ADAMTS8: variants seen among roughly 807,000 people sequenced by gnomAD.
ADAMTS8 encodes the protein ADAM metallopeptidase with thrombospondin type 1 motif 8, also known as A disintegrin and metalloproteinase with thrombospondin motifs 8.
In ADAMTS8, 50 loss-of-function variants were observed where a neutral mutation model predicts 64.4. The observed-to-expected ratio is 0.78, with a 90% CI of 0.62 to 0.98. The LOEUF (loss-of-function observed/expected upper bound fraction) is 0.98, where lower values mean the gene tolerates loss of function less well. Ranked by LOEUF, ADAMTS8 falls within the 50% of genes least tolerant of loss-of-function variation. The pLI is 0.00. For missense variants in ADAMTS8, 1,192 were observed against 1,208.2 expected, an observed-to-expected ratio of 0.99 and a Z score of 0.20; for synonymous variants, 556 against 533.6, an observed-to-expected ratio of 1.04 and a Z score of -0.58.
At chr11:130,419,932 C>T (rs1343613278) in intron 1 of ADAMTS8, among the ~76,000 whole-genome samples, 1 of 152,184 alleles carries the variant, frequency 6.6e-6, no homozygotes, top group Non-Finnish European at 1.5e-5. Context: ...GATAATCACT[C>T]CTAACAACAG....
At chr11:130,427,402 A>G (rs1169848589) in intron 1 of ADAMTS8, among the ~76,000 whole-genome samples, 165 bp downstream of exon 1, 1 of 149,974 alleles carries the variant, frequency 6.7e-6, no homozygotes. Context: ...TTTCTCAGAC[A>G]GGAGAGAATC....
intron 1 of ADAMTS8, among the ~76,000 whole-genome samples, chr11:130,419,778 C>T (rs747796479): frequency 2.0e-5 from 3 of 152,166 alleles, no homozygotes; most frequent in Non-Finnish European, 4.4e-5. Flanking sequence ...CCCACCCGTC[C>T]CCGGCCTCAG....
rs571304042 is a variant in ADAMTS8 at position 130,412,341 on chromosome 11, A to G, written c.1567-741T>C. ...TGATTCCTGTGCCTCGGCCTCCCGA[A>G]TAACTGGGATTACAGGTGCACACCT... is the stretch of plus-strand genomic sequence containing the variant. On this transcript the variant is annotated intron_variant, in intron 5 of 8. Transcript: ENST00000257359. Among the ~76,000 whole-genome samples, 528 of 152,184 alleles carry G rather than the reference A, an allele frequency of 3.5e-3. 1 individual carries two copies. The highest frequency in any genetic ancestry group is 0.012 in the African/African-American group (504 of 41,514).
In ADAMTS8 at chr11:130,416,238, C is replaced by T. The variant is rs747008161; in HGVS notation, c.1189G>A (p.Val397Ile). 26 of 1,590,646 alleles carry T rather than the reference C, an allele frequency of 1.6e-5. No homozygotes were observed. Among genetic ancestry groups the T allele is most frequent in the Admixed American group, 3.5e-5 (2 of 56,626 alleles). Reference sequence around the variant, plus strand: ...CAGGGCAGCGTCTGGTTCAGGTGGACGAACAGCGGTGCCATCACGTGGTGC... The same window carrying T: ...CAGGGCAGCGTCTGGTTCAGGTGGATGAACAGCGGTGCCATCACGTGGTGC... ...GKHHVMAPLFVHLNQTLPWSP... is the reference protein window; with the variant it reads ...GKHHVMAPLFIHLNQTLPWSP... The change falls in exon 4 of 9, where the codon GTC (valine) becomes ATC (isoleucine). Residue 397 changes from valine to isoleucine, a missense_variant. Physicochemically the swap from Val to Ile is conservative, Grantham distance 29. This residue lies in a region of ADAMTS8 where 741 missense variants were observed against 710.6 expected (regional missense o/e 1.04). Transcript: ENST00000257359. This position sits in a 1 kb window ranked among gnomAD's most constrained non-coding sequence, Gnocchi z 4.8.
In ADAMTS8 at chr11:130,427,593, C is replaced by T. The variant is rs751492538; in HGVS notation, c.694G>A (p.Ala232Thr). ...ETLLVADASMAAFYGADLQNH... is the reference protein window; with the variant it reads ...ETLLVADASMTAFYGADLQNH... ...TGCAGGTCGGCCCCGTAGAAGGCAG[C>T]CATGGACGCATCGGCCACCAGCAGC... The change falls in exon 1 of 9, where the codon GCT (alanine) becomes ACT (threonine). Residue 232 changes from alanine to threonine, a missense_variant. By Grantham distance (58) the Ala-to-Thr change is moderately conservative (BLOSUM62 0). Coordinates refer to ENST00000257359, the MANE Select transcript of ADAMTS8 (RefSeq NM_007037.6). 9 of 1,542,038 alleles carry T rather than the reference C, an allele frequency of 5.8e-6. No individual in the cohort carries two copies. In the East Asian group the frequency reaches 1.7e-4, roughly 29 times the overall value.
At position 130,405,600 on chromosome 11, in the gene ADAMTS8, G is replaced by A. The variant is rs750737688; in HGVS notation, c.2628C>T (p.Pro876=). 3.7e-6 allele frequency: 6 copies of A among 1,610,682 alleles called. No homozygotes were observed. The highest frequency in any genetic ancestry group is 2.2e-5 in the East Asian group (1 of 44,746). ...GGCTTTCGCAGGGCTTGGCATCCTC[G>A]GGTTTCAGAGCCTTGTTGCAGGTGG... ...ASATCNKALK[P]EDAKPCESQL... The change falls in exon 9 of 9, where the codon CCC becomes CCT. Residue 876 remains proline (P), a synonymous_variant. Coordinates refer to ENST00000257359, the MANE Select transcript of ADAMTS8 (RefSeq NM_007037.6).
Position 130,405,312 on chromosome 11 carries a change from C to A in ADAMTS8, c.*246G>T. ...GTGCACTTTTACCTTTTAACCTATG[C>A]CCTCTACTTGAACCCGAGCAAGGTC... On this transcript the variant is annotated 3_prime_UTR_variant, in exon 9 of 9. Transcript: ENST00000257359. 7.7e-7 allele frequency: 1 copy of A among 1,304,230 alleles called. No individual in the cohort carries two copies. Among genetic ancestry groups the A allele is most frequent in the Non-Finnish European group, 9.7e-7 (1 of 1,030,088 alleles). 80.8% of individuals were successfully genotyped at this position (1,304,230 alleles called of 1,614,324 possible). A position where few individuals can be genotyped will look rare whatever the true frequency, so the allele number is the denominator to read the frequency against.
In ADAMTS8 at chr11:130,417,004, G is replaced by T. The variant is rs1255992222; in HGVS notation, c.1032C>A (p.Asn344Lys). The T allele has an allele frequency of 2.5e-6, 4 of 1,613,960 alleles. No homozygotes were observed. Among genetic ancestry groups the T allele is most frequent in the Non-Finnish European group, 2.5e-6 (3 of 1,180,026 alleles). ...CATCCTCGATCACGGAGCAGCTTTT[G>T]TTGGGGTCACAAATGGTCCCGATGT... ...VADIGTICDP[N>K]KSCSVIEDEG... Residue 344 changes from asparagine to lysine, a missense_variant, in exon 3 of 9, where the codon AAC (asparagine) becomes AAA (lysine). Transcript: ENST00000257359.
intron 1 of ADAMTS8, among the ~76,000 whole-genome samples, chr11:130,421,098 A>G (rs1028706054): frequency 1.3e-5 from 2 of 152,184 alleles, no homozygotes; most frequent in African/African-American, 4.8e-5. Context: ...CGCACAAGGA[A>G]GGTGTAAAGC....
In ADAMTS8 at chr11:130,422,344, G is replaced by A. The variant is rs139283127; in HGVS notation, c.721-3052C>T. Among the ~76,000 whole-genome samples the A allele has an allele frequency of 4.0e-3, 604 of 152,238 alleles. 4 individuals are homozygous for A. Among genetic ancestry groups the A allele is most frequent in the African/African-American group, 0.014 (570 of 41,548 alleles). ...AGCCCCTTTTGGTTCTTTGAGATAC[G>A]AACAAGGAGATTCCTTCCTCAGAGC... On this transcript the variant is annotated intron_variant, in intron 1 of 8. Transcript: ENST00000257359.
chr11:130,420,313 G>T (rs1862083402), intron 1 of ADAMTS8, among the ~76,000 whole-genome samples: 1 of 152,206 alleles, frequency 6.6e-6, no homozygotes, highest in African/African-American at 2.4e-5. Context: ...TCCCTGGGCT[G>T]CCAACTGCTC....
rs1194795752 is a variant in ADAMTS8, at chr11:130,416,981, T to C, written c.1055A>G (p.Asp352Gly). The part of the protein sequence containing the change: ...DPNKSCSVIE[D>G]EGLQAAHTLA... ...GGTGTGGGCCGCCTGGAGCCCCTCATCCTCGATCACGGAGCAGCTTTTGTT... is the reference window on the plus strand; with the variant it reads ...GGTGTGGGCCGCCTGGAGCCCCTCACCCTCGATCACGGAGCAGCTTTTGTT... The change falls in exon 3 of 9, where the codon GAT becomes GGT. Residue 352 changes from aspartate to glycine, a missense_variant. Asp to Gly is a moderately conservative substitution (Grantham distance 94). This residue lies in a region of ADAMTS8 where 741 missense variants were observed against 710.6 expected (regional missense o/e 1.04). Transcript: ENST00000257359. This position sits in a 1 kb window ranked among gnomAD's most constrained non-coding sequence, Gnocchi z 4.8. 4 of 1,614,130 alleles carry C rather than the reference T, an allele frequency of 2.5e-6. No individual in the cohort carries two copies. The Admixed American group carries it at 6.7e-5, about 27-fold the overall frequency.
rs1390801279 is a variant in ADAMTS8, at chr11:130,428,438, G to A, written c.-152C>T. 1.9e-6 allele frequency: 2 copies of A among 1,057,094 alleles called. No individual in the cohort carries two copies. Among genetic ancestry groups the A allele is most frequent in the Non-Finnish European group, 2.3e-6 (2 of 878,822 alleles). The allele number at this position is 1,057,094 out of a possible 1,614,324, so 65.5% of individuals were successfully genotyped here. On this transcript the variant is annotated 5_prime_UTR_variant, in exon 1 of 9. Transcript: ENST00000257359. ...GACTCGGCCCGCGGGGCCCGGCGGCGGGAGCGCTCCCCCGGCGGCCCCTCT... is the reference window on the plus strand; with the variant it reads ...GACTCGGCCCGCGGGGCCCGGCGGCAGGAGCGCTCCCCCGGCGGCCCCTCT...
intron 6 of ADAMTS8, among the ~76,000 whole-genome samples, chr11:130,410,400 C>T (rs1309149092): frequency 6.6e-6 from 1 of 152,218 alleles, no homozygotes; most frequent in Non-Finnish European, 1.5e-5. Flanking sequence ...CATGGCATCA[C>T]TTTTCGTCCA....
At chr11:130,418,470 C>T (rs1018234562) in intron 2 of ADAMTS8, among the ~76,000 whole-genome samples, 3 of 152,214 alleles carry the variant, frequency 2.0e-5, no homozygotes, top group South Asian at 4.1e-4. Context: ...GGACTATGGG[C>T]GCTGCCGCTA....
In ADAMTS8 at chr11:130,423,392, CA is replaced by C. The variant is rs575269605; in HGVS notation, c.721-4101del. On this transcript the variant is annotated intron_variant, in intron 1 of 8. Coordinates refer to ENST00000257359, the MANE Select transcript of ADAMTS8 (RefSeq NM_007037.6). Reference sequence around the variant, plus strand: ...GTCTTTCTCCCTGGTAGCCACAGAGCAGGGGGGGGCATGAATCTGTTTCTGT... The same window carrying C: ...GTCTTTCTCCCTGGTAGCCACAGAGCGGGGGGGGCATGAATCTGTTTCTGT... Among the ~76,000 whole-genome samples, 231 of 152,268 alleles carry C rather than the reference CA, an allele frequency of 1.5e-3. 1 individual carries two copies. The highest frequency in any genetic ancestry group is 4.2e-3 in the African/African-American group (173 of 41,534).
At chr11:130,425,341 GATGCGAGT>G (rs1043145392) in intron 1 of ADAMTS8, among the ~76,000 whole-genome samples, 2 of 152,160 alleles carry the variant, frequency 1.3e-5, no homozygotes, top group African/African-American at 4.8e-5. Context: ...GATGTCTGGA[GATGCGAGT>G]ATGTCCCTGA....
chr11:130,425,639 C>T (rs1385996656), intron 1 of ADAMTS8, among the ~76,000 whole-genome samples: 2 of 146,984 alleles, frequency 1.4e-5, no homozygotes, highest in Non-Finnish European at 3.0e-5. Flanking sequence ...CTTGCTCTGT[C>T]ACCCAGGCTG....
intron 5 of ADAMTS8, among the ~76,000 whole-genome samples, chr11:130,414,131 T>C (rs1217922969): frequency 6.6e-6 from 1 of 151,098 alleles, no homozygotes; most frequent in Non-Finnish European, 1.5e-5. Flanking sequence ...TCTTTTTTTT[T>C]TTTTTTTTTG....
Sources: gnomAD v4.1 joint callset for allele counts (sites outside exome capture counted in the v4.1 genomes callset) on GRCh38, gnomAD v4.1.1 for gene constraint, gnomAD v4.1.1 regional missense constraint, Gnocchi (gnomAD v3.1) non-coding constraint, MANE v1.5 for transcripts, NCBI Gene and HGNC (gene_info 2026-07-23, HGNC 2026-07-21) for gene names.